CDH18: variants seen among roughly 807,000 people sequenced by gnomAD.
The protein encoded by CDH18 is cadherin-18.
Under a neutral mutation model 67.9 loss-of-function variants are expected in CDH18, and 31 were observed. The ratio of observed to expected loss-of-function variants is 0.46; its 90% CI spans 0.34 to 0.62. The LOEUF (loss-of-function observed/expected upper bound fraction) is 0.62, where lower values mean the gene tolerates loss of function less well. CDH18 is among the 20% of genes least tolerant of loss of function. The pLI is 0.01. For missense variants in CDH18, 890 were observed against 975.5 expected (o/e 0.91, Z 1.17); for synonymous variants, 362 against 347.2 (o/e 1.04, Z -0.48).
chr5:19,832,612 TC>T (rs1327729886), intron 3 of CDH18, among the ~76,000 whole-genome samples: 2 of 152,192 alleles, frequency 1.3e-5, no homozygotes, highest in African/African-American at 2.4e-5. Context: ...CACGCCTATG[TC>T]CTATATGGTA....
intron 2 of CDH18, among the ~76,000 whole-genome samples, chr5:19,910,728 C>T (rs1420794078): frequency 2.0e-5 from 3 of 152,118 alleles, no homozygotes; most frequent in Admixed American, 1.3e-4. Flanking sequence ...CTAAGTCTTA[C>T]CACGTGTCCT....
At chr5:19,503,569 C>T (rs1743614550) in intron 10 of CDH18, among the ~76,000 whole-genome samples, 1 of 152,008 alleles carries the variant, frequency 6.6e-6, no homozygotes, top group South Asian at 2.1e-4. Context: ...AGGAGGCCTT[C>T]AAGATCATGA....
At chr5:19,640,494 T>C (rs1753845239) in intron 5 of CDH18, among the ~76,000 whole-genome samples, 1 of 152,022 alleles carries the variant, frequency 6.6e-6, no homozygotes, top group South Asian at 2.1e-4. Context: ...AGTAAGCCAC[T>C]ATAAGAAATC....
intron 3 of CDH18, among the ~76,000 whole-genome samples, chr5:19,813,099 A>G (rs1778917487): frequency 6.6e-6 from 1 of 152,098 alleles, no homozygotes; most frequent in Admixed American, 6.6e-5. Context: ...ATGAGAACAC[A>G]TGGACACAAG....
chr5:20,469,909 C>T (rs912153897), intron 1 of CDH18, among the ~76,000 whole-genome samples: 2 of 152,136 alleles, frequency 1.3e-5, no homozygotes, highest in East Asian at 1.9e-4. Flanking sequence ...ATCCTAACCA[C>T]ATTTTGGCCT....
intron 5 of CDH18, among the ~76,000 whole-genome samples, chr5:19,651,944 A>C (rs116719617): frequency 2.5e-4 from 38 of 152,160 alleles, no homozygotes; most frequent in African/African-American, 8.4e-4. Context: ...CCATATATAC[A>C]TATTAACACT....
intron 3 of CDH18, among the ~76,000 whole-genome samples, chr5:19,747,472 AC>A (rs1356053227): frequency 2.6e-5 from 4 of 152,192 alleles, no homozygotes; most frequent in South Asian, 2.1e-4. Flanking sequence ...TAAGAAAAAA[AC>A]AATAAATAAT....
intron 2 of CDH18, among the ~76,000 whole-genome samples, chr5:20,231,675 C>T (rs560097806): frequency 3.3e-5 from 5 of 151,854 alleles, no homozygotes; most frequent in South Asian, 4.2e-4. Context: ...ATAATATCAT[C>T]GTTTTACAAA....
intron 1 of CDH18, among the ~76,000 whole-genome samples, chr5:20,355,601 AGATTACTTAT>A (rs1741545335): frequency 6.6e-6 from 1 of 152,232 alleles, no homozygotes; most frequent in Admixed American, 6.5e-5. Context: ...ATTAGGGTGA[AGATTACTTAT>A]GATTACTTAT....
chr5:20,114,497 A>G (rs6878897), intron 2 of CDH18, among the ~76,000 whole-genome samples: 6,689 of 152,244 alleles, frequency 0.044, 505 homozygotes, highest in African/African-American at 0.15. Context: ...AGCAGGGAGA[A>G]GTCTAGAAAG....
At chr5:20,497,986 CT>C (rs1207441820) in intron 1 of CDH18, among the ~76,000 whole-genome samples, 1 of 152,062 alleles carries the variant, frequency 6.6e-6, no homozygotes, top group Non-Finnish European at 1.5e-5. Context: ...CCCTTTCCCC[CT>C]GTGACAACAC....
At chr5:20,355,717 T>C (rs1445324487) in intron 1 of CDH18, among the ~76,000 whole-genome samples, 1 of 152,236 alleles carries the variant, frequency 6.6e-6, no homozygotes, top group African/African-American at 2.4e-5. Context: ...ACTACTTTTG[T>C]ATATTTATAG....
chr5:20,233,834 T>C (rs1203967409), intron 2 of CDH18, among the ~76,000 whole-genome samples: 1 of 152,174 alleles, frequency 6.6e-6, no homozygotes, highest in African/African-American at 2.4e-5. Flanking sequence ...TATAATCATA[T>C]TTTAATTTTG....
intron 1 of CDH18, among the ~76,000 whole-genome samples, chr5:20,460,261 G>A (rs7712064): frequency 1.3e-3 from 200 of 152,004 alleles, no homozygotes; most frequent in African/African-American, 4.7e-3. Flanking sequence ...GTGTGGTGGT[G>A]TGCGCCTGTA....
intron 5 of CDH18, among the ~76,000 whole-genome samples, chr5:19,632,161 G>T (rs1225746320): frequency 1.3e-5 from 2 of 152,060 alleles, no homozygotes; most frequent in Non-Finnish European, 2.9e-5. Flanking sequence ...AAAATAAAGA[G>T]TACTTTCTGT....
chr5:20,190,304 A>C (rs1326464553), intron 2 of CDH18, among the ~76,000 whole-genome samples: 1 of 152,154 alleles, frequency 6.6e-6, no homozygotes, highest in Non-Finnish European at 1.5e-5. Context: ...GTTTCTTGGA[A>C]CTACTCATTT....
At chr5:19,923,174 A>C (rs1030345138) in intron 2 of CDH18, among the ~76,000 whole-genome samples, 10 of 152,168 alleles carry the variant, frequency 6.6e-5, no homozygotes, top group Admixed American at 1.3e-4. Context: ...TTTAACTGAC[A>C]GGCACATCTA....
intron 4 of CDH18, among the ~76,000 whole-genome samples, chr5:19,741,304 C>T (rs905988475): frequency 1.9e-3 from 256 of 131,478 alleles, no homozygotes; most frequent in African/African-American, 6.7e-3. Context: ...CATATATGTA[C>T]ATATATACAT....
At chr5:20,416,022 T>A (rs1039781) in intron 1 of CDH18, among the ~76,000 whole-genome samples, 36,972 of 151,996 alleles carry the variant, frequency 0.24, 4,801 homozygotes, top group East Asian at 0.39. Flanking sequence ...ATGAGTATGA[T>A]GTTTCAGTTA....
Sources: allele counts gnomAD v4.1 joint callset (sites outside exome capture counted in the v4.1 genomes callset), GRCh38; gene constraint gnomAD v4.1.1; transcripts MANE v1.5; gene names NCBI Gene and HGNC (gene_info 2026-07-23, HGNC 2026-07-21).